The following PTPRT variants were observed in gnomAD, a reference collection of about 807,000 sequenced individuals.
PTPRT encodes receptor-type tyrosine-protein phosphatase T.
A neutral mutation model predicts 176.8 loss-of-function variants in PTPRT; 56 were observed. The ratio of observed to expected loss-of-function variants is 0.32; its 90% CI spans 0.26 to 0.40. The LOEUF (loss-of-function observed/expected upper bound fraction) is 0.40, where lower values mean the gene tolerates loss of function less well. PTPRT is among the 10% of genes least tolerant of loss of function. The probability of loss-of-function intolerance (pLI) is 1.00; values close to 1 mark genes in which losing one functional copy is unlikely to be tolerated. For missense variants in PTPRT, 1,540 were observed against 1,908.2 expected (o/e 0.81, Z 3.60); for synonymous variants, 783 against 739.0 (o/e 1.06, Z -0.96).
intron 16 of PTPRT, among the ~76,000 whole-genome samples, chr20:42,195,617 G>A (rs1170065358): frequency 4.6e-5 from 7 of 152,098 alleles, no homozygotes; most frequent in Non-Finnish European, 1.0e-4. Flanking sequence ...GAGTCCTAAC[G>A]TATTCAGTGA....
chr20:42,558,088 G>C (rs1367047805), intron 7 of PTPRT, among the ~76,000 whole-genome samples: 3 of 152,026 alleles, frequency 2.0e-5, no homozygotes, highest in Non-Finnish European at 4.4e-5. Context: ...TCATCACTCA[G>C]GTATTAAACC....
chr20:43,039,371 A>G (rs1176366983), intron 1 of PTPRT, among the ~76,000 whole-genome samples: 2 of 151,988 alleles, frequency 1.3e-5, no homozygotes, highest in African/African-American at 4.8e-5. Context: ...AAAAAACCAC[A>G]AAATCTCTAT....
intron 12 of PTPRT, among the ~76,000 whole-genome samples, chr20:42,304,824 C>T (rs1352769466): frequency 3.3e-5 from 5 of 152,128 alleles, no homozygotes; most frequent in African/African-American, 7.2e-5. Context: ...CAACTCAGGG[C>T]TTCTTATACA....
At chr20:42,952,304 C>A (rs1188013898) in intron 1 of PTPRT, among the ~76,000 whole-genome samples, 3 of 152,208 alleles carry the variant, frequency 2.0e-5, no homozygotes, top group Non-Finnish European at 4.4e-5. Flanking sequence ...GAGCCAGAAT[C>A]AAAGGGCTGC....
chr20:42,388,142 C>T (rs964275003), intron 9 of PTPRT, among the ~76,000 whole-genome samples: 1 of 152,128 alleles, frequency 6.6e-6, no homozygotes, highest in Non-Finnish European at 1.5e-5. Context: ...TAAAGACTTA[C>T]CCAGTCCAAA....
At chr20:42,998,137 G>A (rs1984332264) in intron 1 of PTPRT, among the ~76,000 whole-genome samples, 1 of 152,160 alleles carries the variant, frequency 6.6e-6, no homozygotes, top group South Asian at 2.1e-4. Context: ...AGTAAAATAT[G>A]CAAACATTAA....
At chr20:42,318,715 A>G (rs547860149) in intron 11 of PTPRT, among the ~76,000 whole-genome samples, 1 of 152,262 alleles carries the variant, frequency 6.6e-6, no homozygotes, top group African/African-American at 2.4e-5. Flanking sequence ...GCCTATCCCT[A>G]ATCACCGCTT....
At chr20:42,862,033 T>TAC (rs1568642593) in intron 2 of PTPRT, among the ~76,000 whole-genome samples, 1 of 152,272 alleles carries the variant, frequency 6.6e-6, no homozygotes, top group African/African-American at 2.4e-5. Flanking sequence ...CAAAAGGTTA[T>TAC]ACACACGCAC....
chr20:42,631,397 A>C (rs1221869103), intron 7 of PTPRT, among the ~76,000 whole-genome samples: 28 of 152,210 alleles, frequency 1.8e-4, no homozygotes, highest in Non-Finnish European at 2.1e-4. Context: ...TACACATGAA[A>C]ATACTCAATT....
intron 2 of PTPRT, among the ~76,000 whole-genome samples, chr20:42,866,498 G>C (rs2078749220): frequency 6.6e-6 from 1 of 152,022 alleles, no homozygotes; most frequent in Admixed American, 6.6e-5. Flanking sequence ...TGCCTGATCA[G>C]TTCCCTCCTG....
At chr20:42,840,650 T>C (rs1410063946) in intron 2 of PTPRT, among the ~76,000 whole-genome samples, 2 of 152,166 alleles carry the variant, frequency 1.3e-5, no homozygotes, top group Non-Finnish European at 2.9e-5. Context: ...TGACCTCAAG[T>C]GATCTGCCCA....
intron 1 of PTPRT, among the ~76,000 whole-genome samples, chr20:43,160,147 A>G (rs2146438848): frequency 6.6e-6 from 1 of 152,318 alleles, no homozygotes; most frequent in East Asian, 1.9e-4. Context: ...GCAAGAAGCC[A>G]CCAGAATACC....
At chr20:42,746,152 A>C (rs2076687819) in intron 6 of PTPRT, among the ~76,000 whole-genome samples, 1 of 152,266 alleles carries the variant, frequency 6.6e-6, no homozygotes, top group Admixed American at 6.5e-5. Flanking sequence ...CAAGGAAACC[A>C]ATACTTATCA....
intron 1 of PTPRT, among the ~76,000 whole-genome samples, chr20:43,021,946 A>G (rs1355619651): frequency 6.6e-6 from 1 of 152,146 alleles, no homozygotes; most frequent in African/African-American, 2.4e-5. Context: ...TCCCTGTTCC[A>G]GCCAGGACAG....
At chr20:43,094,148 C>T (rs1479639342) in intron 1 of PTPRT, among the ~76,000 whole-genome samples, 5 of 146,230 alleles carry the variant, frequency 3.4e-5, no homozygotes, top group South Asian at 2.1e-4. Flanking sequence ...AGTGCAGTGG[C>T]GCGATCTAGG....
intron 1 of PTPRT, among the ~76,000 whole-genome samples, chr20:43,179,675 A>T (rs1271208051): frequency 6.6e-6 from 1 of 152,252 alleles, no homozygotes; most frequent in Non-Finnish European, 1.5e-5. Flanking sequence ...CTGAGACACT[A>T]AATCTCTCTA....
chr20:43,151,858 C>T (rs891277638), intron 1 of PTPRT, among the ~76,000 whole-genome samples: 8 of 150,110 alleles, frequency 5.3e-5, no homozygotes, highest in South Asian at 4.2e-4. Context: ...AGCGAAACTC[C>T]GTCTCAAAAA....
chr20:42,859,745 G>T (rs907766671), intron 2 of PTPRT, among the ~76,000 whole-genome samples: 2 of 150,648 alleles, frequency 1.3e-5, no homozygotes, highest in Non-Finnish European at 2.9e-5. Flanking sequence ...CACCATGGCC[G>T]GCTAATTTTT....
At chr20:42,361,084 T>C (rs1288514716) in intron 9 of PTPRT, among the ~76,000 whole-genome samples, 1 of 152,180 alleles carries the variant, frequency 6.6e-6, no homozygotes, top group African/African-American at 2.4e-5. Context: ...GCACATCCTG[T>C]GTGAACAGTT....
Sources: gnomAD v4.1 joint callset for allele counts (sites outside exome capture counted in the v4.1 genomes callset) on GRCh38, gnomAD v4.1.1 for gene constraint, MANE v1.5 for transcripts, NCBI Gene and HGNC (gene_info 2026-07-23, HGNC 2026-07-21) for gene names.